Variants in PRKG1 observed in about 807,000 individuals in gnomAD.
PRKG1 encodes the protein protein kinase cGMP-dependent 1.
PRKG1 carries 35 observed loss-of-function variants against 88.1 expected under a neutral mutation model. The observed-to-expected ratio is 0.40, with a 90% CI of 0.30 to 0.53. The LOEUF (loss-of-function observed/expected upper bound fraction) is 0.53, where lower values mean the gene tolerates loss of function less well. PRKG1 is among the 20% of genes least tolerant of loss of function. PRKG1 has a pLI of 0.59. For missense variants in PRKG1, 540 were observed against 839.8 expected, an observed-to-expected ratio of 0.64 and a Z score of 4.41; for synonymous variants, 303 against 292.5, an observed-to-expected ratio of 1.04 and a Z score of -0.37.
rs80152380 is a variant in PRKG1, at chr10:52,112,482, G to T, written c.936-21358G>T. ...TAATGAGGTATTTCATGGACCCAAG[G>T]TTCATAAGATATCTTGAAACTCTCA... On this transcript the variant is annotated intron_variant, in intron 7 of 17. Coordinates refer to ENST00000373980, the MANE Select transcript of PRKG1 (RefSeq NM_006258.4). 9.7e-3 allele frequency among the ~76,000 whole-genome samples: 1,471 copies of T among 152,144 alleles called. 11 individuals are homozygous for T. Among genetic ancestry groups the T allele is most frequent in the Middle Eastern group, 0.017 (5 of 294 alleles).
intron 7 of PRKG1, among the ~76,000 whole-genome samples, chr10:52,098,672 A>G (rs546499169): frequency 7.9e-5 from 12 of 152,314 alleles, no homozygotes; most frequent in Admixed American, 6.5e-4. Flanking sequence ...GAGCTTTGAA[A>G]GTGTCAAAAG....
intron 4 of PRKG1, among the ~76,000 whole-genome samples, chr10:51,839,011 A>C (rs2132770466): frequency 6.6e-6 from 1 of 152,322 alleles, no homozygotes; most frequent in Middle Eastern, 3.4e-3. Context: ...TGACTGTAAT[A>C]AGAGCATTCT....
At chr10:51,807,806 G>T (rs1007503384) in intron 4 of PRKG1, among the ~76,000 whole-genome samples, 1 of 151,916 alleles carries the variant, frequency 6.6e-6, no homozygotes, top group Admixed American at 6.6e-5. Context: ...GATGGCTTTC[G>T]GGGGGAAAAA....
chr10:51,267,972 G>C (rs926904507), intron 2 of PRKG1, among the ~76,000 whole-genome samples: 2 of 152,100 alleles, frequency 1.3e-5, no homozygotes, highest in African/African-American at 4.8e-5. Context: ...ATTTCACATA[G>C]GTTCTTTTCT....
At chr10:51,014,320 T>C (rs1432255777) in intron 1 of PRKG1, among the ~76,000 whole-genome samples, 1 of 33,906 alleles carries the variant, frequency 2.9e-5, no homozygotes, top group Non-Finnish European at 6.8e-5. Flanking sequence ...GGCATTCTCT[T>C]TTTTTTTTTT....
intron 3 of PRKG1, among the ~76,000 whole-genome samples, chr10:51,683,373 A>G (rs748290847): frequency 1.3e-4 from 20 of 152,188 alleles, no homozygotes; most frequent in African/African-American, 4.1e-4. Context: ...ACAGCTTCAT[A>G]TCTGAATAGC....
intron 3 of PRKG1, among the ~76,000 whole-genome samples, chr10:51,676,872 G>A (rs992669964): frequency 2.0e-5 from 3 of 152,092 alleles, no homozygotes; most frequent in African/African-American, 7.2e-5. Flanking sequence ...TGATCATCCT[G>A]AAAGAAATGA....
intron 8 of PRKG1, among the ~76,000 whole-genome samples, chr10:52,145,781 T>A (rs2132658039): frequency 6.6e-6 from 1 of 152,330 alleles, no homozygotes; most frequent in Admixed American, 6.5e-5. Context: ...ACTTTTCTTT[T>A]CTTTTCAATA....
At chr10:51,727,290 A>G (rs1241661355) in intron 3 of PRKG1, among the ~76,000 whole-genome samples, 6 of 148,852 alleles carry the variant, frequency 4.0e-5, no homozygotes, top group Admixed American at 6.7e-5. Context: ...AAAAAAATAT[A>G]TATATATATA....
chr10:51,735,854 CATATATATAT>C (rs146700314), intron 3 of PRKG1, among the ~76,000 whole-genome samples: 92 of 114,184 alleles, frequency 8.1e-4, no homozygotes, highest in Non-Finnish European at 1.0e-3. Context: ...GGCCTGACTG[CATATATATAT>C]ATATATATAT....
At chr10:51,628,148 CTTTCTTTCTTTCTTTA>C (rs1380299210) in intron 3 of PRKG1, among the ~76,000 whole-genome samples, 1,285 of 26,774 alleles carry the variant, frequency 0.048, 22 homozygotes, top group African/African-American at 0.081. Context: ...TTCTTTCTTT[CTTTCTTTCTTTCTTTA>C]TTTATTTCTT....
chr10:52,178,142 A>G (rs1292510819), intron 9 of PRKG1, among the ~76,000 whole-genome samples: 1 of 151,822 alleles, frequency 6.6e-6, no homozygotes, highest in Non-Finnish European at 1.5e-5. Context: ...CTTGCCATCA[A>G]CTTGCTTCTT....
At chr10:51,455,686 T>G (rs943970063) in intron 2 of PRKG1, among the ~76,000 whole-genome samples, 2 of 152,160 alleles carry the variant, frequency 1.3e-5, no homozygotes, top group African/African-American at 2.4e-5. Flanking sequence ...CCCAACACGT[T>G]CCTCATCTCC....
chr10:51,278,840 C>G (rs894775289), intron 2 of PRKG1, among the ~76,000 whole-genome samples: 3 of 151,998 alleles, frequency 2.0e-5, no homozygotes, highest in East Asian at 3.9e-4. Context: ...TGATTCTTCT[C>G]TCTTTTCTTC....
chr10:52,262,959 C>T (rs1354347167), intron 10 of PRKG1, among the ~76,000 whole-genome samples: 5 of 151,888 alleles, frequency 3.3e-5, no homozygotes, highest in South Asian at 2.1e-4. Flanking sequence ...TTTTGTTTTC[C>T]GAGTATTTTC....
intron 4 of PRKG1, among the ~76,000 whole-genome samples, chr10:51,899,677 A>ATATATATATATATATATG: frequency 7.0e-6 from 1 of 143,862 alleles, no homozygotes; most frequent in Admixed American, 7.0e-5. Flanking sequence ...AAATGTATAT[A>ATATATATATATATATATG]TATATATATA....
At chr10:51,557,735 A>G (rs1055900647) in intron 3 of PRKG1, among the ~76,000 whole-genome samples, 3 of 152,014 alleles carry the variant, frequency 2.0e-5, no homozygotes, top group African/African-American at 7.2e-5. Flanking sequence ...ATTGGGGTTG[A>G]ACCTGAATGA....
intron 3 of PRKG1, among the ~76,000 whole-genome samples, chr10:51,770,611 A>G (rs1838280036): frequency 6.6e-6 from 1 of 152,180 alleles, no homozygotes; most frequent in Non-Finnish European, 1.5e-5. Context: ...GCCTCCTGTC[A>G]GATCAGCGGA....
chr10:51,968,820 C>CAAA (rs56810665), intron 5 of PRKG1, among the ~76,000 whole-genome samples: 1 of 105,456 alleles, frequency 9.5e-6, no homozygotes, highest in Admixed American at 1.0e-4. Flanking sequence ...AAAACTCCAT[C>CAAA]AAAAAAAAAA....
Sources: allele counts gnomAD v4.1 joint callset (sites outside exome capture counted in the v4.1 genomes callset), GRCh38; gene constraint gnomAD v4.1.1; transcripts MANE v1.5; gene names NCBI Gene and HGNC (gene_info 2026-07-23, HGNC 2026-07-21).